Variants in NHSL2 observed in about 807,000 individuals in gnomAD.
NHSL2 encodes the protein NHS like 2.
NHSL2 carries 27 observed loss-of-function variants against 53.4 expected under a neutral mutation model. That is an observed-to-expected ratio of 0.51 (90% CI 0.37 to 0.70). The LOEUF (loss-of-function observed/expected upper bound fraction) is 0.70. Among genes scored for constraint, NHSL2 ranks in the 30% least tolerant of loss-of-function variants. The pLI is 0.00. For missense variants in NHSL2, 892 were observed against 980.1 expected, an observed-to-expected ratio of 0.91 and a Z score of 1.20; for synonymous variants, 408 against 404.1, an observed-to-expected ratio of 1.01 and a Z score of -0.12.
At chrX:71,973,206 C>T (rs143298148) in intron 1 of NHSL2, among the ~76,000 whole-genome samples, 53 of 112,218 alleles carry the variant, frequency 4.7e-4, no homozygotes, top group African/African-American at 1.7e-3. Context: ...GTCTGTCCCA[C>T]GTCCTGCCTT....
intron 1 of NHSL2, among the ~76,000 whole-genome samples, chrX:71,974,796 T>C (rs1038688486): frequency 1.3e-4 from 14 of 111,861 alleles, no homozygotes; most frequent in African/African-American, 3.9e-4. Flanking sequence ...TCTCCCTCCC[T>C]GAACAATAGC....
intron 1 of NHSL2, chrX:71,965,908 G>C (rs2041898892): frequency 8.9e-6 from 1 of 112,294 alleles, no homozygotes; most frequent in Non-Finnish European, 1.9e-5. Flanking sequence ...ATTGATGTAT[G>C]ACATACAAAA....
chrX:71,939,278 G>A (rs928310329), intron 1 of NHSL2, among the ~76,000 whole-genome samples: 2 of 111,859 alleles, frequency 1.8e-5, no homozygotes, highest in African/African-American at 6.5e-5. Context: ...CATGTTAAGG[G>A]GCTTGGACAT....
At chrX:72,013,076 C>T (rs1164362633) in intron 1 of NHSL2, among the ~76,000 whole-genome samples, 3 of 112,116 alleles carry the variant, frequency 2.7e-5, no homozygotes, top group African/African-American at 9.7e-5. Context: ...TTAAAATATC[C>T]TCCTGGAATT....
chrX:72,048,070 GATAACAATAATAATAATAATAATA>G (rs772108431), intron 1 of NHSL2, among the ~76,000 whole-genome samples: 110 of 101,784 alleles, frequency 1.1e-3, no homozygotes, highest in African/African-American at 3.6e-3. Flanking sequence ...CACTCATGAT[GATAACAATAATAATAATAATAATA>G]ATAATAATAA....
intron 1 of NHSL2, among the ~76,000 whole-genome samples, chrX:72,006,338 C>T (rs1305772268): frequency 8.9e-6 from 1 of 112,379 alleles, no homozygotes; most frequent in Non-Finnish European, 1.9e-5. Context: ...GCTCCGCGTT[C>T]CCCTTTCCAG....
At chrX:72,046,468 A>C (rs2042306564) in intron 1 of NHSL2, among the ~76,000 whole-genome samples, 1 of 112,426 alleles carries the variant, frequency 8.9e-6, no homozygotes, top group African/African-American at 3.2e-5. Flanking sequence ...GAGCAAACTA[A>C]CTAATCAGAG....
At chrX:71,956,701 A>G (rs2058543964) in intron 1 of NHSL2, among the ~76,000 whole-genome samples, 1 of 111,479 alleles carries the variant, frequency 9.0e-6, no homozygotes, top group African/African-American at 3.3e-5. Context: ...AGATGAGAAA[A>G]CAGGCTAAGA....
intron 1 of NHSL2, among the ~76,000 whole-genome samples, chrX:72,095,325 T>C (rs963095762): frequency 1.8e-5 from 2 of 112,326 alleles, no homozygotes; most frequent in Non-Finnish European, 1.9e-5. Flanking sequence ...GTAAAAGAAA[T>C]CTTCTTGAGA....
chrX:71,920,813 T>G (rs867046330), intron 1 of NHSL2, among the ~76,000 whole-genome samples: 1 of 100,026 alleles, frequency 1.0e-5, no homozygotes, highest in Non-Finnish European at 1.9e-5. Context: ...ATTTTGTTTT[T>G]GTTTTTTTTG....
chrX:72,056,549 T>TGC lies in NHSL2; in HGVS notation c.281-75527_281-75526dup, dbSNP rs752540642. On this transcript the variant is annotated intron_variant, in intron 1 of 7. Coordinates refer to ENST00000633930, the MANE Select transcript of NHSL2 (RefSeq NM_001013627.3). ...TGTATTTGTGTGCTTATTTAACGTC[T>TGC]GCGCACACACACACACACACACACA... Among the ~76,000 whole-genome samples the TGC allele has an allele frequency of 2.2e-3, 236 of 106,854 alleles. 2 individuals are homozygous for TGC. The highest frequency in any genetic ancestry group is 7.9e-3 in the African/African-American group (212 of 26,683). The allele number at this position is 106,854 out of a possible 115,157, so 92.8% of individuals were successfully genotyped here.
rs145384992 is a variant in NHSL2, at chrX:72,030,363, C to T, written c.281-101716C>T. Among the ~76,000 whole-genome samples the T allele has an allele frequency of 1.4e-3, 154 of 112,233 alleles. 1 individual carries two copies. In the East Asian group the frequency reaches 0.038, roughly 28 times the overall value. On this transcript the variant is annotated intron_variant, in intron 1 of 7. Coordinates refer to ENST00000633930, the MANE Select transcript of NHSL2 (RefSeq NM_001013627.3). ...TGTGCATTCTGATAAGTGGGGTCTC[C>T]GCAGGGGGCACTCAGAATCAATCAC...
At chrX:72,137,324 T>A in intron 5 of NHSL2, 99 bp downstream of exon 5, 1 of 859,391 alleles carries the variant, frequency 1.2e-6, no homozygotes, top group Non-Finnish European at 1.6e-6. Flanking sequence ...ACAGGAATAA[T>A]TGGGTGGAGG....
At chrX:72,043,072 G>T in intron 1 of NHSL2, among the ~76,000 whole-genome samples, 2 of 111,204 alleles carry the variant, frequency 1.8e-5, no homozygotes, top group Non-Finnish European at 3.8e-5. Context: ...TGCCGCTGAG[G>T]TTCCCACAAT....
At chrX:72,044,999 T>C (rs1327978137) in intron 1 of NHSL2, 6 of 529,776 alleles carry the variant, frequency 1.1e-5, no homozygotes, top group African/African-American at 2.4e-5. Context: ...GGTAATTTTC[T>C]AACTGATGTG....
chrX:72,094,072 G>A (rs759456906), intron 1 of NHSL2, among the ~76,000 whole-genome samples: 7 of 111,522 alleles, frequency 6.3e-5, no homozygotes, highest in African/African-American at 9.8e-5. Context: ...GTGAGCCACC[G>A]TGCCCAGCCC....
At chrX:72,142,657 C>T (rs1366704590) in intron 7 of NHSL2, among the ~76,000 whole-genome samples, 1 of 110,412 alleles carries the variant, frequency 9.1e-6, no homozygotes, top group Middle Eastern at 4.6e-3. Flanking sequence ...GGCCCCTCGT[C>T]TCCTAGCAAC....
At chrX:72,020,390 A>G (rs565905247) in intron 1 of NHSL2, among the ~76,000 whole-genome samples, 8 of 112,845 alleles carry the variant, frequency 7.1e-5, no homozygotes, top group African/African-American at 2.6e-4. Flanking sequence ...TGGGACCCCA[A>G]AACTCTGACT....
intron 1 of NHSL2, among the ~76,000 whole-genome samples, chrX:71,978,286 G>C (rs748702480): frequency 8.0e-5 from 9 of 111,832 alleles, no homozygotes; most frequent in African/African-American, 2.9e-4. Context: ...CCCCTGATTA[G>C]AGCACTCGCC....
Sources: gnomAD v4.1 joint callset for allele counts (sites outside exome capture counted in the v4.1 genomes callset) on GRCh38, gnomAD v4.1.1 for gene constraint, MANE v1.5 for transcripts, NCBI Gene and HGNC (gene_info 2026-07-23, HGNC 2026-07-21) for gene names.